Variants in INAVA observed in about 807,000 individuals in gnomAD.
The protein encoded by INAVA is innate immunity activator protein.
INAVA carries 32 observed loss-of-function variants against 55.3 expected under a neutral mutation model. That is an observed-to-expected ratio of 0.58 (90% CI 0.44 to 0.78). The LOEUF (loss-of-function observed/expected upper bound fraction) is 0.78. Ranked by LOEUF, INAVA falls within the 30% of genes least tolerant of loss-of-function variation. The pLI is 0.00. For synonymous variants in INAVA, 294 were observed against 329.4 expected, an observed-to-expected ratio of 0.89 and a Z score of 1.16; for missense variants, 756 against 786.4, an observed-to-expected ratio of 0.96 and a Z score of 0.46.
At chr1:200,898,551 G>A in intron 2 of INAVA, 96 bp downstream of exon 2, 2 of 1,390,648 alleles carry the variant, frequency 1.4e-6, no homozygotes, top group Non-Finnish European at 9.8e-7. Flanking sequence ...AGGCACTAGG[G>A]CTGGCTGGGC....
chr1:200,899,360 T>G, intron 2 of INAVA, 113 bp from the exon 3 acceptor site: 2 of 1,388,138 alleles, frequency 1.4e-6, no homozygotes, highest in South Asian at 1.4e-5. Context: ...GCATGAGATG[T>G]GTGTGTGTGT....
chr1:200,909,847 G>A (rs746766756), intron 8 of INAVA, among the ~76,000 whole-genome samples: 1 of 152,146 alleles, frequency 6.6e-6, no homozygotes, highest in Non-Finnish European at 1.5e-5. Context: ...TTAGGTTCCC[G>A]TGAGCCTTTG....
rs935568758 is a variant in INAVA, at chr1:200,901,168, G to A, written c.520+9G>A. 4.7e-6 allele frequency: 7 copies of A among 1,498,908 alleles called. No homozygotes were observed. The highest frequency in any genetic ancestry group is 5.3e-6 in the Non-Finnish European group (6 of 1,124,962). The allele number at this position is 1,498,908 out of a possible 1,614,324, so 92.9% of individuals were successfully genotyped here. A position where few individuals can be genotyped will look rare whatever the true frequency, so the allele number is the denominator to read the frequency against. On this transcript the variant is annotated intron_variant, in intron 5 of 9. Transcript: ENST00000413687. ...TCTCCCCCTGGGCCGAGGTGAGCCG[G>A]CTGCCCTGAGGGGGGCCATGCTCCT...
chr1:200,900,927 CCT>C lies in INAVA; in HGVS notation c.298-4_298-3del. ...CCTCTCTCTAGCCTCACTCCTGCCCCCTCTCTCAGGACCCCCTAAGCAGCCTG... is the reference window on the plus strand; with the variant it reads ...CCTCTCTCTAGCCTCACTCCTGCCCCCTCTCAGGACCCCCTAAGCAGCCTG... On this transcript the variant is annotated splice_region_variant and splice_polypyrimidine_tract_variant and intron_variant, in intron 4 of 9. Transcript: ENST00000413687. 6.5e-7 allele frequency: 1 copy of C among 1,537,076 alleles called. No homozygotes were observed. Among genetic ancestry groups the C allele is most frequent in the Non-Finnish European group, 8.8e-7 (1 of 1,137,746 alleles).
chr1:200,900,844 G>C (rs1653216110), intron 4 of INAVA, 93 bp from the exon 5 acceptor site: 1 of 930,068 alleles, frequency 1.1e-6, no homozygotes, highest in Non-Finnish European at 1.6e-6. Flanking sequence ...GCTTAGGACT[G>C]GGACCTAGAG....
intron 5 of INAVA, 121 bp downstream of exon 5, chr1:200,901,280 G>A: frequency 2.0e-6 from 2 of 977,590 alleles, no homozygotes; most frequent in Non-Finnish European, 2.9e-6. Context: ...TGATTCTTGG[G>A]TTCAGCTCCA....
chr1:200,900,916 C>T, intron 4 of INAVA, 21 bp from the exon 5 acceptor site: 8 of 1,520,800 alleles, frequency 5.3e-6, no homozygotes, highest in Non-Finnish European at 7.1e-6. Context: ...TCTCTAGCCT[C>T]ACTCCTGCCC....
chr1:200,900,990 G>A lies in INAVA; in HGVS notation c.351G>A (p.Glu117=), dbSNP rs1653228128. Residue 117 remains glutamate, a synonymous_variant, in exon 5 of 10, where the codon GAG becomes GAA. Transcript: ENST00000413687. Reference sequence around the variant, plus strand: ...TGGCCCTGCAGCTGCAGATCACAGAGGCAGCCCGTCGGCTGTGCCTGGAGG... The same window carrying A: ...TGGCCCTGCAGCTGCAGATCACAGAAGCAGCCCGTCGGCTGTGCCTGGAGG... The part of the protein sequence containing the change: ...RQLALQLQIT[E]AARRLCLEEN... The A allele has an allele frequency of 6.4e-7, 1 of 1,555,326 alleles. No homozygotes were observed. Among genetic ancestry groups the A allele is most frequent in the African/African-American group, 1.4e-5 (1 of 73,352 alleles).
intron 4 of INAVA, 142 bp from the exon 5 acceptor site, chr1:200,900,795 T>A (rs1382384942): frequency 1.7e-6 from 1 of 601,822 alleles, no homozygotes; most frequent in Non-Finnish European, 2.8e-6. Flanking sequence ...TCCACGTCCG[T>A]CCATTGGTGC....
At chr1:200,910,642 C>T (rs996262615) in intron 8 of INAVA, among the ~76,000 whole-genome samples, 1 of 152,162 alleles carries the variant, frequency 6.6e-6, no homozygotes, top group African/African-American at 2.4e-5. Flanking sequence ...AGTATAGTGG[C>T]GCAATCTTTG....
intron 4 of INAVA, 136 bp from the exon 5 acceptor site, chr1:200,900,801 G>T: frequency 1.6e-6 from 1 of 613,266 alleles, no homozygotes; most frequent in Non-Finnish European, 2.7e-6. Flanking sequence ...TCCGTCCATT[G>T]GTGCTGCTGT....
Position 200,912,064 on chromosome 1 carries a change from A to C in INAVA, c.1571A>C (p.Gln524Pro), listed in dbSNP as rs1316116560. Reference sequence around the variant, plus strand: ...ACCCGCCCCCACTCACTGGACCGCCAAGGAGCTTTCCGGGTCAGGAGCCTG... The same window carrying C: ...ACCCGCCCCCACTCACTGGACCGCCCAGGAGCTTTCCGGGTCAGGAGCCTG... ...RSTRPHSLDR[Q>P]GAFRVRSLPL... Residue 524 changes from glutamine (Q) to proline (P), a missense_variant, in exon 9 of 10, where the codon CAA becomes CCA. Gln to Pro is a moderately conservative substitution (Grantham distance 76). This residue lies in a region of INAVA where 117 missense variants were observed against 162.1 expected (regional missense o/e 0.72). Transcript: ENST00000413687. The C allele has an allele frequency of 1.9e-6, 3 of 1,548,094 alleles. No homozygotes were observed. Among genetic ancestry groups the C allele is most frequent in the Non-Finnish European group, 2.6e-6 (3 of 1,146,642 alleles).
intron 8 of INAVA, among the ~76,000 whole-genome samples, chr1:200,910,908 G>A (rs3767496): frequency 0.041 from 6,176 of 152,236 alleles, 263 homozygotes; most frequent in East Asian, 0.19. Context: ...ACTGCTCTGG[G>A]TACCACATGA....
At chr1:200,895,274 C>A (rs1483538267) in intron 1 of INAVA, among the ~76,000 whole-genome samples, 187 bp downstream of exon 1, 1 of 151,986 alleles carries the variant, frequency 6.6e-6, no homozygotes, top group Non-Finnish European at 1.5e-5. Context: ...GTTGCCTAGG[C>A]CTTAGTTTCC....
chr1:200,912,352 C>T, intron 9 of INAVA, among the ~76,000 whole-genome samples: 1 of 152,130 alleles, frequency 6.6e-6, no homozygotes, highest in East Asian at 1.9e-4. Context: ...ATTTTGCCTG[C>T]CATGTCTAGC....
chr1:200,892,801 G>A (rs904741730), upstream of INAVA, among the ~76,000 whole-genome samples: 1 of 152,220 alleles, frequency 6.6e-6, no homozygotes, highest in Non-Finnish European at 1.5e-5. Flanking sequence ...AGGAGGTTTG[G>A]TTAGCCAGCT....
chr1:200,898,326 C>T lies in INAVA; in HGVS notation c.-75C>T, dbSNP rs761250393. ...TTAAAGCTGGGGAAGCTCCAGGCTA[C>T]CTACACAACCTGGCCCAGGCTGGTC... On this transcript the variant is annotated 5_prime_UTR_variant, in exon 2 of 10. Coordinates refer to ENST00000413687, the MANE Select transcript of INAVA (RefSeq NM_001142569.3). 2 of 1,612,060 alleles carry T rather than the reference C, an allele frequency of 1.2e-6. No individual in the cohort carries two copies. The highest frequency in any genetic ancestry group is 2.2e-5 in the East Asian group (1 of 44,872).
At position 200,908,739 on chromosome 1, in the gene INAVA, A is replaced by T. The variant is rs1398301128; in HGVS notation, c.584A>T (p.Gln195Leu). 3 of 1,569,766 alleles carry T rather than the reference A, an allele frequency of 1.9e-6. No homozygotes were observed. Among genetic ancestry groups the T allele is most frequent in the Admixed American group, 3.9e-5 (2 of 51,150 alleles). ...DGLLLEEEES[Q>L]VPKPPPESPA... is the part of the protein sequence containing the mutation. ...TCTTTTACTCCTGCAGAGGAATCCC[A>T]AGTGCCAAAACCTCCTCCAGAGTCT... is the stretch of plus-strand genomic sequence containing the variant. Residue 195 changes from glutamine to leucine, a missense_variant, in exon 7 of 10, where the codon CAA becomes CTA. Physicochemically the swap from Gln to Leu is moderately radical, Grantham distance 113 (BLOSUM62 -2). Around this residue, in one of 2 missense-constraint regions of INAVA, gnomAD observed 639 missense variants for 624.3 expected, o/e 1.02. Coordinates refer to ENST00000413687, the MANE Select transcript of INAVA (RefSeq NM_001142569.3).
At chr1:200,910,565 A>G (rs1466317508) in intron 8 of INAVA, among the ~76,000 whole-genome samples, 1 of 152,146 alleles carries the variant, frequency 6.6e-6, no homozygotes, top group Non-Finnish European at 1.5e-5. Context: ...TCTCAAGTAA[A>G]GCAATGGATT....
Sources: allele counts gnomAD v4.1 joint callset (sites outside exome capture counted in the v4.1 genomes callset), GRCh38; gene constraint gnomAD v4.1.1; regional missense constraint gnomAD v4.1.1; transcripts MANE v1.5; gene names NCBI Gene and HGNC (gene_info 2026-07-23, HGNC 2026-07-21).